Variants in GPR162 observed in about 807,000 individuals in gnomAD.
The protein encoded by GPR162 is G protein-coupled receptor 162, also known as probable G protein-coupled receptor 162.
In GPR162, 26 loss-of-function variants were observed where a neutral mutation model predicts 44.9. The ratio of observed to expected loss-of-function variants is 0.58; its 90% CI spans 0.42 to 0.80. GPR162 has a LOEUF of 0.80. Among genes scored for constraint, GPR162 ranks in the 30% least tolerant of loss-of-function variants. The pLI, the probability that GPR162 is intolerant of heterozygous loss-of-function variation, is 0.00. For missense variants in GPR162, 704 were observed against 802.3 expected (o/e 0.88, Z 1.48); for synonymous variants, 363 against 335.2 (o/e 1.08, Z -0.91).
rs1555120355 is a variant in GPR162 at position 6,827,002 on chromosome 12, G to A, written c.1565G>A (p.Gly522Glu). 7 of 1,613,114 alleles carry A rather than the reference G, an allele frequency of 4.3e-6. No homozygotes were observed. The highest frequency in any genetic ancestry group is 5.9e-6 in the Non-Finnish European group (7 of 1,179,990). The change falls in exon 5 of 5, where the codon GGG (glycine) becomes GAG (glutamate). Residue 522 changes from glycine (G) to glutamate (E), a missense_variant. Physicochemically the swap from Gly to Glu is moderately conservative, Grantham distance 98. This residue lies in a region of GPR162 where 404 missense variants were observed against 314.1 expected (regional missense o/e 1.29). Transcript: ENST00000311268. ...CTGCCTTCTCCGACTGCCTCACCAGGGCACTCTCCTCGTCGGCCCCGGCCA... is the reference window on the plus strand; with the variant it reads ...CTGCCTTCTCCGACTGCCTCACCAGAGCACTCTCCTCGTCGGCCCCGGCCA... ...TPLPSPTASP[G>E]HSPRRPRPLG...
In GPR162 at chr12:6,823,591, A is replaced by T; in HGVS notation, c.-308A>T. 1 of 562,622 alleles carries T rather than the reference A, an allele frequency of 1.8e-6. No homozygotes were observed. Among genetic ancestry groups the T allele is most frequent in the East Asian group, 3.0e-5 (1 of 33,476 alleles). The allele number at this position is 562,622 out of a possible 1,614,324, so 34.9% of individuals were successfully genotyped here. Reference sequence around the variant, plus strand: ...GCATGGGGACCAGAACCCCCCAGCCAGCCTCATAGTTGGGAAAGTAGCCAG... The same window carrying T: ...GCATGGGGACCAGAACCCCCCAGCCTGCCTCATAGTTGGGAAAGTAGCCAG... On this transcript the variant is annotated 5_prime_UTR_variant, in exon 2 of 5. Coordinates refer to ENST00000311268, the MANE Select transcript of GPR162 (RefSeq NM_019858.2).
In GPR162 at chr12:6,824,164, T is replaced by C; in HGVS notation, c.266T>C (p.Ile89Thr). The C allele has an allele frequency of 6.2e-7, 1 of 1,613,976 alleles. No individual in the cohort carries two copies. Among genetic ancestry groups the C allele is most frequent in the South Asian group, 1.1e-5 (1 of 91,084 alleles). ...ASSDYDWNES[I>T]CKVFVSTYYT... ...TCCGACTATGACTGGAACGAGAGTA[T>C]CTGCAAGGTCTTCGTGTCCACCTAC... The change falls in exon 2 of 5, where the codon ATC (isoleucine) becomes ACC (threonine). Residue 89 changes from isoleucine (I) to threonine (T), a missense_variant. Transcript: ENST00000311268.
Position 6,827,333 on chromosome 12 carries a change from G to A in GPR162, c.*129G>A, listed in dbSNP as rs782427364. On this transcript the variant is annotated 3_prime_UTR_variant, in exon 5 of 5. Transcript: ENST00000311268. The stretch of plus-strand genomic sequence containing the variant: ...CTAGATTTGGGGCTCAGAAGGCCCT[G>A]CTCTCTCCCATCCAAGTGACCAGAT... 4.9e-4 allele frequency: 346 copies of A among 701,728 alleles called. 5 individuals carry two copies. Among genetic ancestry groups the A allele is most frequent in the South Asian group, 4.1e-3 (214 of 52,490 alleles). The allele number at this position is 701,728 out of a possible 1,614,324, so 43.5% of individuals were successfully genotyped here.
chr12:6,826,530 G>A (rs879981629), intron 4 of GPR162, 123 bp from the exon 5 acceptor site: 8 of 1,108,444 alleles, frequency 7.2e-6, no homozygotes, highest in African/African-American at 3.1e-5. Context: ...GGCCAGGTTT[G>A]CCCACCGGAG....
chr12:6,825,682 A>G lies in GPR162; in HGVS notation c.1057+9A>G. 1.3e-6 allele frequency: 2 copies of G among 1,557,208 alleles called. No homozygotes were observed. Among genetic ancestry groups the G allele is most frequent in the Non-Finnish European group, 1.7e-6 (2 of 1,149,230 alleles). On this transcript the variant is annotated intron_variant, in intron 3 of 4. Transcript: ENST00000311268. ...GGAGGATGGAGATGACGGTCAGAGG[A>G]GGGGCTGGGCTTTGGCTTTCCTGGA...
In GPR162 at chr12:6,826,690, A is replaced by G. The variant is rs1565508755; in HGVS notation, c.1253A>G (p.Asn418Ser). Residue 418 changes from asparagine to serine, a missense_variant, in exon 5 of 5, where the codon AAC becomes AGC. Physicochemically the swap from Asn to Ser is conservative, Grantham distance 46. Coordinates refer to ENST00000311268, the MANE Select transcript of GPR162 (RefSeq NM_019858.2). The stretch of plus-strand genomic sequence containing the variant: ...CGGCGTCTGTCCCATGATGAGACAA[A>G]CATCTTCTCTACCCCTCGGGAACCA... ...LSRRLSHDETNIFSTPREPGS... is the reference protein window; with the variant it reads ...LSRRLSHDETSIFSTPREPGS... 1 of 1,532,748 alleles carries G rather than the reference A, an allele frequency of 6.5e-7. No homozygotes were observed. The highest frequency in any genetic ancestry group is 8.7e-7 in the Non-Finnish European group (1 of 1,143,310). 94.9% of individuals were successfully genotyped at this position (1,532,748 alleles called of 1,614,324 possible). A position where few individuals can be genotyped will look rare whatever the true frequency, so the allele number is the denominator to read the frequency against.
intron 3 of GPR162, 114 bp downstream of exon 3, chr12:6,825,787 C>T (rs1943346386): frequency 1.2e-6 from 1 of 866,460 alleles, no homozygotes; most frequent in Admixed American, 2.3e-5. Context: ...TGGACAGAAT[C>T]TGCACCACCC....
chr12:6,823,831 TG>T lies in GPR162; in HGVS notation c.-64del. ...TGGGGATCATGGGAGTGTTTGTGAG[TG>T]GGGCTCCTGGGTGAGACCTAGCCCC... is the stretch of plus-strand genomic sequence containing the variant. On this transcript the variant is annotated 5_prime_UTR_variant, in exon 2 of 5. It removes the in-frame stop codon of an upstream open reading frame in the 5' UTR. Transcript: ENST00000311268. 6.3e-7 allele frequency: 1 copy of T among 1,597,648 alleles called. No homozygotes were observed.
chr12:6,823,279 T>C (rs781964543), intron 1 of GPR162, among the ~76,000 whole-genome samples, 189 bp from the exon 2 acceptor site: 63 of 151,950 alleles, frequency 4.1e-4, no homozygotes, highest in African/African-American at 1.5e-3. Context: ...TCTGGAAGAG[T>C]GCGGCTCTCA....
chr12:6,826,369 A>G lies in GPR162; in HGVS notation c.1215+16A>G. On this transcript the variant is annotated intron_variant, in intron 4 of 4. Transcript: ENST00000311268. ...CTACTTACAGGTATGGAACTGGGGG[A>G]TACATCTCCTACCCTTGGTGCCGCT... The G allele has an allele frequency of 1.3e-6, 2 of 1,599,398 alleles. No individual in the cohort carries two copies. The highest frequency in any genetic ancestry group is 1.7e-6 in the Non-Finnish European group (2 of 1,171,416).
rs1555119691 is a variant in GPR162, at chr12:6,824,555, G to A, written c.657G>A (p.Val219=). 1.1e-5 allele frequency: 17 copies of A among 1,602,926 alleles called. No individual in the cohort carries two copies. Among genetic ancestry groups the A allele is most frequent in the African/African-American group, 1.3e-5 (1 of 74,682 alleles). ...GGAGGGCTCGGCAGGCCCGGAGAGT[G>A]GGGGGTGGTGGGGGGACCAAAGCGG... ...RPRRARQARR[V]GGGGGTKAGG... Residue 219 remains valine (V), a synonymous_variant, in exon 2 of 5, where the codon GTG becomes GTA. Transcript: ENST00000311268.
At position 6,825,688 on chromosome 12, in the gene GPR162, T is replaced by A; in HGVS notation, c.1057+15T>A. ...TGGAGATGACGGTCAGAGGAGGGGC[T>A]GGGCTTTGGCTTTCCTGGACATCTG... is the stretch of plus-strand genomic sequence containing the variant. On this transcript the variant is annotated intron_variant, in intron 3 of 4. Coordinates refer to ENST00000311268, the MANE Select transcript of GPR162 (RefSeq NM_019858.2). 1 of 1,552,136 alleles carries A rather than the reference T, an allele frequency of 6.4e-7. No homozygotes were observed. The highest frequency in any genetic ancestry group is 8.7e-7 in the Non-Finnish European group (1 of 1,145,750).
At chr12:6,826,163 A>C (rs782222664) in intron 3 of GPR162, 33 bp from the exon 4 acceptor site, 1 of 1,594,688 alleles carries the variant, frequency 6.3e-7, no homozygotes, top group East Asian at 2.2e-5. Context: ...GGCATTCCCT[A>C]CCTGTAACCA....
intron 2 of GPR162, 179 bp downstream of exon 2, chr12:6,824,944 T>C (rs782788363): frequency 2.8e-6 from 2 of 710,674 alleles, no homozygotes; most frequent in African/African-American, 3.5e-5. Context: ...TGATCATCTG[T>C]CTTTTAGTTC....
chr12:6,827,206 C>A lies in GPR162; in HGVS notation c.*2C>A. On this transcript the variant is annotated 3_prime_UTR_variant, in exon 5 of 5. Transcript: ENST00000311268. ...ATCTTTCCCCAGCTGACCCTGTGAG[C>A]CCAAGCAGGCCTGCTGAACTCAGAG... 6.3e-7 allele frequency: 1 copy of A among 1,595,792 alleles called. No individual in the cohort carries two copies. Among genetic ancestry groups the A allele is most frequent in the Non-Finnish European group, 8.5e-7 (1 of 1,170,754 alleles).
chr12:6,824,240 T>C lies in GPR162; in HGVS notation c.342T>C (p.His114=), dbSNP rs1943321363. The C allele has an allele frequency of 6.2e-7, 1 of 1,613,812 alleles. No individual in the cohort carries two copies. Among genetic ancestry groups the C allele is most frequent in the African/African-American group, 1.3e-5 (1 of 74,888 alleles). The stretch of plus-strand genomic sequence containing the variant: ...TCACGGTCGCCTCCCTCTCCTACCA[T>C]CGCATGTGGATGGTGCGCTGGCCCG... ...TCFTVASLSY[H]RMWMVRWPVN... is the part of the protein sequence containing the mutation. The change falls in exon 2 of 5, where the codon CAT becomes CAC. Residue 114 remains histidine, a synonymous_variant. Transcript: ENST00000311268.
chr12:6,825,350 CG>C (rs5796255), intron 2 of GPR162, 133 bp from the exon 3 acceptor site: 1 of 623,462 alleles, frequency 1.6e-6, no homozygotes, highest in African/African-American at 1.8e-5. Flanking sequence ...TCTCCACCTC[CG>C]GCTTCGCCTC....
In GPR162 at chr12:6,826,753, T is replaced by C. The variant is rs1555120194; in HGVS notation, c.1316T>C (p.Ile439Thr). The C allele has an allele frequency of 1.2e-6, 2 of 1,604,514 alleles. No homozygotes were observed. Among genetic ancestry groups the C allele is most frequent in the Non-Finnish European group, 1.7e-6 (2 of 1,175,590 alleles). The change falls in exon 5 of 5, where the codon ATC becomes ACC. Residue 439 changes from isoleucine to threonine, a missense_variant. Around this residue, in one of 6 missense-constraint regions of GPR162, gnomAD observed 404 missense variants for 314.1 expected, o/e 1.29. Transcript: ENST00000311268. ...FLHKWSSSDDIRVLPAQSRAL... is the reference protein window; with the variant it reads ...FLHKWSSSDDTRVLPAQSRAL... ...CACAAGTGGTCATCCTCTGATGACATCCGGGTCCTCCCAGCCCAGAGCCGG... is the reference window on the plus strand; with the variant it reads ...CACAAGTGGTCATCCTCTGATGACACCCGGGTCCTCCCAGCCCAGAGCCGG...
At position 6,827,015 on chromosome 12, in the gene GPR162, T is replaced by C; in HGVS notation, c.1578T>C (p.Arg526=). ...CTGCCTCACCAGGGCACTCTCCTCG[T>C]CGGCCCCGGCCACTGGGCCTCTCAC... ...SPTASPGHSP[R]RPRPLGLSPR... Residue 526 remains arginine, a synonymous_variant, in exon 5 of 5, where the codon CGT becomes CGC. Coordinates refer to ENST00000311268, the MANE Select transcript of GPR162 (RefSeq NM_019858.2). 1 of 1,613,284 alleles carries C rather than the reference T, an allele frequency of 6.2e-7. No homozygotes were observed. The highest frequency in any genetic ancestry group is 2.2e-5 in the East Asian group (1 of 44,866).
Sources: gnomAD v4.1 joint callset for allele counts (sites outside exome capture counted in the v4.1 genomes callset) on GRCh38, gnomAD v4.1.1 for gene constraint, gnomAD v4.1.1 regional missense constraint, MANE v1.5 for transcripts, NCBI Gene and HGNC (gene_info 2026-07-23, HGNC 2026-07-21) for gene names.